GRIN3A: variants seen among roughly 807,000 people sequenced by gnomAD.
The protein encoded by GRIN3A is glutamate ionotropic receptor NMDA type subunit 3A.
Under a neutral mutation model 92.4 loss-of-function variants are expected in GRIN3A, and 47 were observed. That is an observed-to-expected ratio of 0.51 (90% CI 0.40 to 0.65). The LOEUF (loss-of-function observed/expected upper bound fraction) is 0.65. GRIN3A is among the 30% of genes least tolerant of loss of function. The pLI, the probability that GRIN3A is intolerant of heterozygous loss-of-function variation, is 0.00. For missense variants in GRIN3A, 1,324 were observed against 1,393.1 expected, an observed-to-expected ratio of 0.95 and a Z score of 0.79; for synonymous variants, 527 against 540.6, an observed-to-expected ratio of 0.97 and a Z score of 0.35.
intron 3 of GRIN3A, among the ~76,000 whole-genome samples, chr9:101,633,402 A>T (rs1828738453): frequency 6.6e-6 from 1 of 152,184 alleles, no homozygotes; most frequent in Non-Finnish European, 1.5e-5. Flanking sequence ...TAACCTGTGG[A>T]TGCTATAGTA....
At chr9:101,638,903 C>T (rs1467236996) in intron 3 of GRIN3A, among the ~76,000 whole-genome samples, 2 of 152,170 alleles carry the variant, frequency 1.3e-5, no homozygotes, top group East Asian at 3.9e-4. Context: ...TACATGTAGC[C>T]AACAACCCAC....
At chr9:101,660,037 C>A (rs189268834) in intron 3 of GRIN3A, among the ~76,000 whole-genome samples, 3 of 151,888 alleles carry the variant, frequency 2.0e-5, no homozygotes, top group Middle Eastern at 3.4e-3. Context: ...CCATTCCCCC[C>A]ACCCTGCCAA....
chr9:101,681,223 A>T (rs1008265939), intron 2 of GRIN3A, among the ~76,000 whole-genome samples: 4 of 152,244 alleles, frequency 2.6e-5, no homozygotes, highest in East Asian at 3.8e-4. Flanking sequence ...AAATGTGGGC[A>T]AGGCTAAAAG....
At position 101,667,808 on chromosome 9, in the gene GRIN3A, A is replaced by G. The variant is rs547631401; in HGVS notation, c.2352+2252T>C. Reference sequence around the variant, plus strand: ...TGGATGAAAACTAAAAAATTCTATCACAACAATTATTCCTCCTAAATCCCG... The same window carrying G: ...TGGATGAAAACTAAAAAATTCTATCGCAACAATTATTCCTCCTAAATCCCG... On this transcript the variant is annotated intron_variant, in intron 3 of 8. Coordinates refer to ENST00000361820, the MANE Select transcript of GRIN3A (RefSeq NM_133445.3). Among the ~76,000 whole-genome samples the G allele has an allele frequency of 5.9e-5, 9 of 152,180 alleles. No individual in the cohort carries two copies. In the East Asian group the frequency reaches 1.7e-3, roughly 30 times the overall value.
intron 1 of GRIN3A, among the ~76,000 whole-genome samples, chr9:101,730,503 A>G (rs148660302): frequency 7.7e-4 from 118 of 152,288 alleles, no homozygotes; most frequent in African/African-American, 2.6e-3. Context: ...AAATTGAAAC[A>G]TGGAGACATC....
chr9:101,693,906 T>G (rs1269458763), intron 1 of GRIN3A, among the ~76,000 whole-genome samples: 1 of 152,220 alleles, frequency 6.6e-6, no homozygotes, highest in Non-Finnish European at 1.5e-5. Flanking sequence ...CTGAATTTCA[T>G]GGTCAAAATT....
At chr9:101,633,026 A>G (rs774894216) in intron 3 of GRIN3A, among the ~76,000 whole-genome samples, 31 of 152,206 alleles carry the variant, frequency 2.0e-4, no homozygotes, top group Non-Finnish European at 4.0e-4. Flanking sequence ...ATTGTTCAGT[A>G]TTAATGGAAT....
intron 1 of GRIN3A, among the ~76,000 whole-genome samples, chr9:101,700,197 A>G (rs1048901199): frequency 3.9e-5 from 6 of 152,328 alleles, no homozygotes; most frequent in African/African-American, 1.4e-4. Flanking sequence ...AAAATGACAG[A>G]CTCACAGAAG....
intron 3 of GRIN3A, among the ~76,000 whole-genome samples, chr9:101,640,382 C>A (rs1204170573): frequency 6.6e-6 from 1 of 152,150 alleles, no homozygotes; most frequent in Non-Finnish European, 1.5e-5. Flanking sequence ...TCTTTCTTTG[C>A]AAATTTGAGA....
intron 5 of GRIN3A, among the ~76,000 whole-genome samples, chr9:101,622,577 C>G (rs1458357413): frequency 2.0e-5 from 3 of 152,108 alleles, no homozygotes; most frequent in East Asian, 1.9e-4. Flanking sequence ...AGAAAAAGAC[C>G]TGAGATCCCA....
intron 3 of GRIN3A, among the ~76,000 whole-genome samples, chr9:101,651,309 G>A (rs1432300552): frequency 2.0e-5 from 3 of 151,690 alleles, no homozygotes; most frequent in African/African-American, 7.3e-5. Flanking sequence ...CTACTCCTGT[G>A]GAGAAAAACA....
chr9:101,702,020 C>T (rs1361446767), intron 1 of GRIN3A, among the ~76,000 whole-genome samples: 3 of 151,902 alleles, frequency 2.0e-5, no homozygotes, highest in Admixed American at 6.6e-5. Context: ...TTCATTTCTT[C>T]GCTGGGCGTG....
intron 6 of GRIN3A, among the ~76,000 whole-genome samples, chr9:101,580,998 CAA>C (rs764490995): frequency 6.6e-5 from 10 of 152,174 alleles, no homozygotes; most frequent in Non-Finnish European, 1.0e-4. Flanking sequence ...ACATCAATGA[CAA>C]GAGTCAATCC....
chr9:101,729,097 C>A (rs547069549), intron 1 of GRIN3A, among the ~76,000 whole-genome samples: 3 of 152,124 alleles, frequency 2.0e-5, no homozygotes, highest in Non-Finnish European at 2.9e-5. Flanking sequence ...CCAAGCTTAA[C>A]CTTTCTCGAC....
At chr9:101,651,343 C>T (rs907898413) in intron 3 of GRIN3A, among the ~76,000 whole-genome samples, 3 of 151,878 alleles carry the variant, frequency 2.0e-5, no homozygotes, top group Non-Finnish European at 4.4e-5. Flanking sequence ...CAGATAATTA[C>T]AGATAATACA....
At chr9:101,727,725 C>T (rs1031477253) in intron 1 of GRIN3A, among the ~76,000 whole-genome samples, 7 of 151,526 alleles carry the variant, frequency 4.6e-5, no homozygotes, top group African/African-American at 1.7e-4. Context: ...CTACATTTTC[C>T]ACAGTCAAAA....
At chr9:101,671,233 C>G (rs1322089024) in intron 2 of GRIN3A, 126 bp from the exon 3 acceptor site, 1 of 731,588 alleles carries the variant, frequency 1.4e-6, no homozygotes, top group Non-Finnish European at 2.4e-6. Flanking sequence ...AAGACAGTGC[C>G]TATAATTTCT....
chr9:101,622,692 G>A (rs1828574121), intron 5 of GRIN3A, among the ~76,000 whole-genome samples: 1 of 151,976 alleles, frequency 6.6e-6, no homozygotes, highest in South Asian at 2.1e-4. Context: ...ACTTATTTAA[G>A]AACCAGGAGC....
At chr9:101,710,996 A>G (rs1829870300) in intron 1 of GRIN3A, among the ~76,000 whole-genome samples, 1 of 152,256 alleles carries the variant, frequency 6.6e-6, no homozygotes, top group Non-Finnish European at 1.5e-5. Context: ...AAATAGGACA[A>G]TATAACAATA....
Sources: gnomAD v4.1 joint callset for allele counts (sites outside exome capture counted in the v4.1 genomes callset) on GRCh38, gnomAD v4.1.1 for gene constraint, MANE v1.5 for transcripts, NCBI Gene and HGNC (gene_info 2026-07-23, HGNC 2026-07-21) for gene names.